Variants in KCNMA1 observed in about 807,000 individuals in gnomAD.
KCNMA1 encodes Calcium-activated potassium channel subunit alpha-1.
A neutral mutation model predicts 140.0 loss-of-function variants in KCNMA1; 29 were observed. That is an observed-to-expected ratio of 0.21 (90% CI 0.15 to 0.28). The LOEUF is 0.28. Among genes scored for constraint, KCNMA1 ranks in the 10% least tolerant of loss-of-function variants. The pLI is 1.00. For synonymous variants in KCNMA1, 612 were observed against 611.9 expected (o/e 1.00, Z 0.00); for missense variants, 880 against 1,602.2 (o/e 0.55, Z 7.70).
rs375795800 is a variant in KCNMA1, at chr10:77,582,008, AC to A, written c.378+55256del. On this transcript the variant is annotated intron_variant, in intron 1 of 27. Transcript: ENST00000286628. ...AAACCTCTTTTTAAAAATTCAGCAAACCAGGAGACATACCCTCAGGGTGTAG... is the reference window on the plus strand; with the variant it reads ...AAACCTCTTTTTAAAAATTCAGCAAACAGGAGACATACCCTCAGGGTGTAG... 3.1e-3 allele frequency among the ~76,000 whole-genome samples: 475 copies of A among 152,336 alleles called. 7 individuals carry two copies. The highest frequency in any genetic ancestry group is 0.025 in the South Asian group (119 of 4,820).
chr10:76,887,625 G>T, intron 27 of KCNMA1, 110 bp from the exon 28 acceptor site: 1 of 1,260,542 alleles, frequency 7.9e-7, no homozygotes, highest in Non-Finnish European at 1.2e-6. Context: ...CAGAGGATCT[G>T]GAAGATGCAC....
chr10:77,405,030 C>T (rs2096423808), intron 1 of KCNMA1, among the ~76,000 whole-genome samples: 1 of 152,230 alleles, frequency 6.6e-6, no homozygotes, highest in Admixed American at 6.5e-5. Flanking sequence ...GGAGACAATA[C>T]ATTCCCCTTC....
At chr10:77,187,876 G>A (rs1292180991) in intron 3 of KCNMA1, among the ~76,000 whole-genome samples, 1 of 152,126 alleles carries the variant, frequency 6.6e-6, no homozygotes, top group Non-Finnish European at 1.5e-5. Flanking sequence ...CACAATCAGA[G>A]ACCACAGAGT....
At chr10:76,962,653 C>G (rs1295857437) in intron 20 of KCNMA1, among the ~76,000 whole-genome samples, 3 of 152,202 alleles carry the variant, frequency 2.0e-5, no homozygotes, top group Non-Finnish European at 4.4e-5. Flanking sequence ...CTGGGAACTT[C>G]TAGAGATGCT....
At chr10:76,999,743 C>T (rs2153398669) in intron 19 of KCNMA1, among the ~76,000 whole-genome samples, 1 of 152,296 alleles carries the variant, frequency 6.6e-6, no homozygotes, top group South Asian at 2.1e-4. Context: ...TCCACACTCC[C>T]TCTCAATGCA....
intron 1 of KCNMA1, among the ~76,000 whole-genome samples, chr10:77,475,077 C>G (rs1031842806): frequency 6.6e-6 from 1 of 152,170 alleles, no homozygotes; most frequent in African/African-American, 2.4e-5. Flanking sequence ...TAGGAGCTTT[C>G]GTTCCTGTCC....
At chr10:76,914,209 G>T in intron 24 of KCNMA1, 1 of 1,119,280 alleles carries the variant, frequency 8.9e-7, no homozygotes, top group Non-Finnish European at 1.3e-6. Context: ...GAGAGTGAGG[G>T]AATAACAGAG....
At chr10:77,581,970 T>C (rs946469196) in intron 1 of KCNMA1, among the ~76,000 whole-genome samples, 19 of 152,214 alleles carry the variant, frequency 1.2e-4, no homozygotes, top group Admixed American at 1.2e-3. Flanking sequence ...GCAAGAAAGC[T>C]GGCCATAGAG....
chr10:77,107,591 T>C (rs1380237072), intron 9 of KCNMA1, among the ~76,000 whole-genome samples: 1 of 152,202 alleles, frequency 6.6e-6, no homozygotes, highest in Non-Finnish European at 1.5e-5. Flanking sequence ...GGGGTCTCTA[T>C]TGAACCTGCA....
chr10:77,535,506 A>G (rs2058694802), intron 1 of KCNMA1, among the ~76,000 whole-genome samples: 1 of 152,214 alleles, frequency 6.6e-6, no homozygotes. Context: ...AAAACTAAAA[A>G]TAGAATTACC....
intron 1 of KCNMA1, among the ~76,000 whole-genome samples, chr10:77,633,187 C>T (rs527535575): frequency 1.3e-5 from 2 of 152,220 alleles, no homozygotes; most frequent in Admixed American, 6.5e-5. Flanking sequence ...TGGCAGCGTG[C>T]GCCTGTAGTC....
rs1194203230 is a variant in KCNMA1, at chr10:76,919,516, G to A, written c.2903-4467C>T. Among the ~76,000 whole-genome samples, 3 of 152,006 alleles carry A rather than the reference G, an allele frequency of 2.0e-5. 1 individual carries two copies. Among genetic ancestry groups the A allele is most frequent in the African/African-American group, 7.3e-5 (3 of 41,366 alleles). ...TCTATATACTGTATAAGAACTTTAG[G>A]TCAGAGACTGGATTTTCATTTCTTT... On this transcript the variant is annotated intron_variant, in intron 23 of 27. Coordinates refer to ENST00000286628, the MANE Select transcript of KCNMA1 (RefSeq NM_001161352.2).
chr10:77,214,830 C>G (rs188782345), intron 3 of KCNMA1, among the ~76,000 whole-genome samples: 84 of 152,272 alleles, frequency 5.5e-4, no homozygotes, highest in African/African-American at 1.9e-3. Context: ...TCCCATCCAG[C>G]CTCCTCCTGC....
chr10:76,988,856 T>C (rs1470659270), intron 19 of KCNMA1, among the ~76,000 whole-genome samples: 1 of 152,180 alleles, frequency 6.6e-6, no homozygotes, highest in Non-Finnish European at 1.5e-5. Flanking sequence ...TTTTCATCCA[T>C]CAAATCTGTA....
At chr10:77,620,696 C>T (rs184133911) in intron 1 of KCNMA1, among the ~76,000 whole-genome samples, 13 of 152,302 alleles carry the variant, frequency 8.5e-5, no homozygotes, top group South Asian at 2.1e-4. Flanking sequence ...ACTCCCTCTA[C>T]GGCCAGTTCT....
intron 19 of KCNMA1, among the ~76,000 whole-genome samples, chr10:77,000,343 G>C (rs1473864682): frequency 6.6e-6 from 1 of 152,184 alleles, no homozygotes; most frequent in East Asian, 1.9e-4. Flanking sequence ...AGCCTTTTCT[G>C]CACTTGGACC....
intron 2 of KCNMA1, among the ~76,000 whole-genome samples, chr10:77,290,482 T>C (rs558759326): frequency 4.6e-5 from 7 of 152,280 alleles, no homozygotes; most frequent in African/African-American, 1.7e-4. Flanking sequence ...CCAGTGCCCT[T>C]CGTACTCCAC....
chr10:77,038,632 T>C (rs2153575640), intron 15 of KCNMA1, among the ~76,000 whole-genome samples: 1 of 152,280 alleles, frequency 6.6e-6, no homozygotes, highest in South Asian at 2.1e-4. Context: ...CTCAACCTCC[T>C]GGGCTCAAGC....
At chr10:77,180,126 GGA>G in intron 5 of KCNMA1, among the ~76,000 whole-genome samples, 1 of 152,332 alleles carries the variant, frequency 6.6e-6, no homozygotes, top group Non-Finnish European at 1.5e-5. Flanking sequence ...AGTTTGTGCA[GGA>G]GAATGGGGAT....
Sources: allele counts gnomAD v4.1 joint callset (sites outside exome capture counted in the v4.1 genomes callset), GRCh38; gene constraint gnomAD v4.1.1; transcripts MANE v1.5; gene names NCBI Gene and HGNC (gene_info 2026-07-23, HGNC 2026-07-21).